Variants in PRTFDC1 observed in about 807,000 individuals in gnomAD.
The protein encoded by PRTFDC1 is phosphoribosyl transferase domain containing 1, also known as phosphoribosyltransferase domain-containing protein 1.
PRTFDC1 carries 38 observed loss-of-function variants against 34.6 expected under a neutral mutation model. The ratio of observed to expected loss-of-function variants is 1.10; its 90% CI spans 0.85 to 1.44. The LOEUF (loss-of-function observed/expected upper bound fraction) is 1.44, where lower values mean the gene tolerates loss of function less well. Ranked by LOEUF, PRTFDC1 falls within the 40% of genes most tolerant of loss-of-function variation. The pLI is 0.00. For missense variants in PRTFDC1, 270 were observed against 283.0 expected (o/e 0.95, Z 0.33); for synonymous variants, 93 against 98.1 (o/e 0.95, Z 0.31).
In PRTFDC1 at chr10:24,849,567, C is replaced by T. The variant is rs1482382724; in HGVS notation, c.*277G>A. On this transcript the variant is annotated 3_prime_UTR_variant, in exon 9 of 9. Coordinates refer to ENST00000320152, the MANE Select transcript of PRTFDC1 (RefSeq NM_020200.7). Reference sequence around the variant, plus strand: ...ATGACTGTATCAAAACAAAGGAAGGCGGAGCTCAGGAGTGTGAAGGTAGAT... The same window carrying T: ...ATGACTGTATCAAAACAAAGGAAGGTGGAGCTCAGGAGTGTGAAGGTAGAT... 6.0e-6 allele frequency: 2 copies of T among 335,890 alleles called. No homozygotes were observed. Among genetic ancestry groups the T allele is most frequent in the Admixed American group, 4.6e-5 (1 of 21,778 alleles). 20.8% of individuals were successfully genotyped at this position (335,890 alleles called of 1,614,324 possible).
intron 4 of PRTFDC1, among the ~76,000 whole-genome samples, chr10:24,866,377 A>G (rs865832600): frequency 0.018 from 2,746 of 149,948 alleles, 70 homozygotes; most frequent in African/African-American, 0.056. Flanking sequence ...AAAAAAAAAA[A>G]AAAGAAAAAA....
intron 3 of PRTFDC1, among the ~76,000 whole-genome samples, chr10:24,896,371 C>T (rs1395211756): frequency 6.6e-6 from 1 of 152,182 alleles, no homozygotes; most frequent in Non-Finnish European, 1.5e-5. Context: ...AACCATCCCC[C>T]AACCCTTCCC....
At chr10:24,939,146 C>G (rs375917137) in intron 2 of PRTFDC1, among the ~76,000 whole-genome samples, 1 of 151,722 alleles carries the variant, frequency 6.6e-6, no homozygotes, top group African/African-American at 2.4e-5. Flanking sequence ...ACTAAAAATA[C>G]AAAAATTAGC....
intron 3 of PRTFDC1, among the ~76,000 whole-genome samples, chr10:24,900,597 C>A (rs527424481): frequency 2.0e-5 from 3 of 152,244 alleles, no homozygotes; most frequent in South Asian, 4.1e-4. Context: ...AAAATATGAT[C>A]TTTTTGATAT....
intron 3 of PRTFDC1, among the ~76,000 whole-genome samples, chr10:24,906,463 C>T (rs1489888685): frequency 6.6e-6 from 1 of 152,136 alleles, no homozygotes; most frequent in Non-Finnish European, 1.5e-5. Flanking sequence ...ATGCTTACAT[C>T]ACACACACCC....
At chr10:24,930,771 A>C (rs1304597897) in intron 3 of PRTFDC1, among the ~76,000 whole-genome samples, 1 of 152,044 alleles carries the variant, frequency 6.6e-6, no homozygotes, top group Non-Finnish European at 1.5e-5. Flanking sequence ...CCTGTTTCTT[A>C]TTTTGTGTCT....
chr10:24,902,988 C>T (rs1427150117), intron 3 of PRTFDC1, among the ~76,000 whole-genome samples: 3 of 152,164 alleles, frequency 2.0e-5, no homozygotes, highest in Admixed American at 2.0e-4. Flanking sequence ...CCTGAGGTCA[C>T]GAGTTCGAGA....
chr10:24,908,295 A>G, intron 3 of PRTFDC1: 2 of 619,076 alleles, frequency 3.2e-6, no homozygotes, highest in Non-Finnish European at 5.3e-6. Flanking sequence ...CTAGAAGACT[A>G]CCACATTGTA....
intron 4 of PRTFDC1, among the ~76,000 whole-genome samples, chr10:24,867,150 T>C (rs1358442954): frequency 6.6e-6 from 1 of 152,126 alleles, no homozygotes; most frequent in Non-Finnish European, 1.5e-5. Context: ...TCATAATGCC[T>C]CTAACTCACA....
intron 3 of PRTFDC1, among the ~76,000 whole-genome samples, chr10:24,872,747 T>G (rs1847894876): frequency 6.8e-6 from 1 of 147,362 alleles, no homozygotes; most frequent in Admixed American, 6.9e-5. Context: ...TATACAAATA[T>G]ATGTGCACAC....
intron 3 of PRTFDC1, among the ~76,000 whole-genome samples, chr10:24,935,454 AAC>A (rs1475963408): frequency 3.9e-5 from 6 of 152,198 alleles, no homozygotes; most frequent in Admixed American, 3.3e-4. Context: ...TGATCAGGAA[AAC>A]ACAGAGTATC....
At position 24,872,101 on chromosome 10, in the gene PRTFDC1, C is replaced by T. The variant is rs536740030; in HGVS notation, c.340-38G>A. The T allele has an allele frequency of 1.8e-5, 27 of 1,539,086 alleles. No individual in the cohort carries two copies. The East Asian group carries it at 4.0e-4, about 23-fold the overall frequency. On this transcript the variant is annotated intron_variant, in intron 3 of 8. Transcript: ENST00000320152. The stretch of plus-strand genomic sequence containing the variant: ...AGAAAAAAAAGGGAGACAATTTTAC[C>T]GCACAAGAAAACCTTTAAAGCACAT...
At chr10:24,912,265 T>C (rs1000790868) in intron 3 of PRTFDC1, among the ~76,000 whole-genome samples, 2 of 25,258 alleles carry the variant, frequency 7.9e-5, no homozygotes, top group African/African-American at 3.2e-4. Flanking sequence ...CAAGACTTCA[T>C]CTCAAAAAAA....
intron 3 of PRTFDC1, among the ~76,000 whole-genome samples, chr10:24,899,242 C>T (rs1455783052): frequency 2.0e-5 from 3 of 152,152 alleles, no homozygotes; most frequent in Non-Finnish European, 4.4e-5. Context: ...AGCCACCCCC[C>T]AATTTGTGTC....
At chr10:24,851,502 A>C in intron 7 of PRTFDC1, 38 bp from the exon 8 acceptor site, 1 of 1,583,996 alleles carries the variant, frequency 6.3e-7, no homozygotes, top group Non-Finnish European at 8.5e-7. Context: ...AAAAGGAACA[A>C]AATTTAGATT....
At chr10:24,902,104 G>A (rs774926280) in intron 3 of PRTFDC1, among the ~76,000 whole-genome samples, 8 of 152,214 alleles carry the variant, frequency 5.3e-5, no homozygotes, top group Non-Finnish European at 1.0e-4. Flanking sequence ...AGCAAAGGGA[G>A]GGAAAGAAGG....
chr10:24,926,574 C>G (rs879511337), intron 3 of PRTFDC1, among the ~76,000 whole-genome samples: 3 of 152,218 alleles, frequency 2.0e-5, no homozygotes, highest in African/African-American at 7.2e-5. Context: ...GTCTCGAACT[C>G]CGGAGCTGAA....
chr10:24,880,955 TTC>T (rs1399804416), intron 3 of PRTFDC1, among the ~76,000 whole-genome samples: 1 of 150,782 alleles, frequency 6.6e-6, no homozygotes, highest in Non-Finnish European at 1.5e-5. Context: ...TCCTTCCTTC[TTC>T]TTTCTTTCTT....
chr10:24,892,444 G>A (rs752987292), intron 3 of PRTFDC1, among the ~76,000 whole-genome samples: 5 of 151,752 alleles, frequency 3.3e-5, no homozygotes, highest in Non-Finnish European at 1.5e-5. Context: ...CCCTTCTAGC[G>A]GGTGTGAAGT....
Sources: gnomAD v4.1 joint callset for allele counts (sites outside exome capture counted in the v4.1 genomes callset) on GRCh38, gnomAD v4.1.1 for gene constraint, MANE v1.5 for transcripts, NCBI Gene and HGNC (gene_info 2026-07-23, HGNC 2026-07-21) for gene names.